Variants in DAPK2 observed in about 807,000 individuals in gnomAD.
DAPK2 encodes the protein death associated protein kinase 2.
Under a neutral mutation model 44.1 loss-of-function variants are expected in DAPK2, and 35 were observed. The ratio of observed to expected loss-of-function variants is 0.79; its 90% CI spans 0.61 to 1.05. The LOEUF is 1.05. Ranked by LOEUF, DAPK2 falls within the 50% of genes least tolerant of loss-of-function variation. The pLI is 0.00. For missense variants in DAPK2, 453 were observed against 483.2 expected (o/e 0.94, Z 0.59); for synonymous variants, 174 against 182.6 (o/e 0.95, Z 0.38).
intron 3 of DAPK2, among the ~76,000 whole-genome samples, chr15:63,962,285 G>A (rs749954634): frequency 1.4e-4 from 21 of 152,252 alleles, no homozygotes; most frequent in Non-Finnish European, 2.6e-4. Context: ...CGATGGGTTC[G>A]AACATCCTCC....
chr15:63,930,712 G>A (rs1307497688), intron 4 of DAPK2, among the ~76,000 whole-genome samples: 1 of 152,138 alleles, frequency 6.6e-6, no homozygotes, highest in African/African-American at 2.4e-5. Flanking sequence ...GTCTTTAGGA[G>A]GTGATTAGGT....
At chr15:63,978,670 G>A (rs1476838106) in intron 2 of DAPK2, among the ~76,000 whole-genome samples, 2 of 152,256 alleles carry the variant, frequency 1.3e-5, no homozygotes, top group South Asian at 2.1e-4. Flanking sequence ...CCAAACCAAG[G>A]AGCCTGAGTG....
rs187215788 is a variant in DAPK2 at position 63,952,145 on chromosome 15, G to T, written c.454-12784C>A. On this transcript the variant is annotated intron_variant, in intron 3 of 10. Transcript: ENST00000261891. ...ATCCCAACTACTCAGGAGGCGGAGG[G>T]AGGAGAATCGTTTGAACCTGGGAGG... 4.8e-3 allele frequency among the ~76,000 whole-genome samples: 729 copies of T among 152,220 alleles called. 5 individuals are homozygous for T. Among genetic ancestry groups the T allele is most frequent in the African/African-American group, 0.016 (674 of 41,542 alleles).
At chr15:63,996,893 C>T (rs1247760402) in intron 1 of DAPK2, among the ~76,000 whole-genome samples, 3 of 152,196 alleles carry the variant, frequency 2.0e-5, no homozygotes, top group Admixed American at 6.5e-5. Context: ...CCTCTGCCCC[C>T]ACGCTTGCAG....
In DAPK2 at chr15:63,924,875, T is replaced by C; in HGVS notation, c.813-14A>G. Reference sequence around the variant, plus strand: ...GTGAGCCGTTTCCTGCAATGAGGATTGGGAAACAGTGATGATCCATGAGGA... The same window carrying C: ...GTGAGCCGTTTCCTGCAATGAGGATCGGGAAACAGTGATGATCCATGAGGA... On this transcript the variant is annotated splice_polypyrimidine_tract_variant and intron_variant, in intron 7 of 10. Transcript: ENST00000261891. The C allele has an allele frequency of 6.2e-7, 1 of 1,613,962 alleles. No homozygotes were observed. Among genetic ancestry groups the C allele is most frequent in the Non-Finnish European group, 8.5e-7 (1 of 1,179,868 alleles).
chr15:63,922,300 T>C, intron 8 of DAPK2: 1 of 994,244 alleles, frequency 1.0e-6, no homozygotes, highest in Non-Finnish European at 1.2e-6. Flanking sequence ...CCTGCTTCTG[T>C]AGCAGGAAAG....
intron 1 of DAPK2, among the ~76,000 whole-genome samples, chr15:64,036,309 G>GTATATATATTTATATA (rs1175432400): frequency 1.7e-5 from 1 of 60,518 alleles, no homozygotes. Flanking sequence ...GTGTGTGTGT[G>GTATATATATTTATATA]TATATATATG....
intron 4 of DAPK2, among the ~76,000 whole-genome samples, chr15:63,938,546 T>C (rs1158577810): frequency 6.6e-6 from 1 of 152,196 alleles, no homozygotes; most frequent in East Asian, 1.9e-4. Flanking sequence ...ATGCCCTCCC[T>C]ATCTCCAAGA....
rs746526085 is a variant in DAPK2, at chr15:63,912,029, T to A, written c.949-38A>T. The A allele has an allele frequency of 6.2e-7, 1 of 1,607,212 alleles. No individual in the cohort carries two copies. The highest frequency in any genetic ancestry group is 8.5e-7 in the Non-Finnish European group (1 of 1,176,768). On this transcript the variant is annotated intron_variant, in intron 9 of 10. Transcript: ENST00000261891. This position sits in a 1 kb window ranked among gnomAD's most constrained non-coding sequence, Gnocchi z 4.4. ...GAGGAAAGGAATCCCCAGGTGAGAA[T>A]GTGCATGGAGACCCTGGAGAGCCAG...
intron 3 of DAPK2, among the ~76,000 whole-genome samples, chr15:63,964,718 T>G (rs1567236595): frequency 6.6e-6 from 1 of 152,154 alleles, no homozygotes. Flanking sequence ...TGATCAATTC[T>G]GCTGCTAACA....
intron 8 of DAPK2, among the ~76,000 whole-genome samples, chr15:63,914,967 T>A (rs2078890014): frequency 6.6e-6 from 1 of 152,184 alleles, no homozygotes; most frequent in Non-Finnish European, 1.5e-5. Context: ...CTCAGTATCC[T>A]TGAAGGGTTG....
rs892978946 is a variant in DAPK2, at chr15:63,980,102, G to C, written c.314+3431C>G. Among the ~76,000 whole-genome samples, 2 of 152,104 alleles carry C rather than the reference G, an allele frequency of 1.3e-5. No individual in the cohort carries two copies. The highest frequency in any genetic ancestry group is 2.9e-5 in the Non-Finnish European group (2 of 68,030). The stretch of plus-strand genomic sequence containing the variant: ...ACAATGAGACAGCTTGGAAGTGAAG[G>C]GGGAGACAGAAACGGGACAGAACTT... On this transcript the variant is annotated intron_variant, in intron 2 of 10. Transcript: ENST00000261891. The surrounding 1 kb of genome is among the most constrained non-coding windows in gnomAD (Gnocchi z 4.3).
chr15:63,998,582 G>A (rs1399753605), intron 1 of DAPK2, among the ~76,000 whole-genome samples: 2 of 152,184 alleles, frequency 1.3e-5, no homozygotes, highest in African/African-American at 4.8e-5. Context: ...CTGGCTCCCT[G>A]GGTCTCTGCA....
Position 63,926,155 on chromosome 15 carries a change from G to C in DAPK2, c.660-62C>G, listed in dbSNP as rs375289930. ...AAAGTAGGTGGAAATGGGGATTACG[G>C]ACTCGGGGAACCCTGCCCCATGACT... On this transcript the variant is annotated intron_variant, in intron 6 of 10. Transcript: ENST00000261891. 3.9e-6 allele frequency: 6 copies of C among 1,544,912 alleles called. No homozygotes were observed. The African/African-American group carries it at 4.1e-5, about 11-fold the overall frequency.
intron 2 of DAPK2, among the ~76,000 whole-genome samples, chr15:63,974,457 A>C (rs897459889): frequency 6.6e-6 from 1 of 152,170 alleles, no homozygotes; most frequent in African/African-American, 2.4e-5. Flanking sequence ...GAAGGTGAGG[A>C]TAGGGGGTTG....
At chr15:64,017,612 C>G (rs935699096) in intron 1 of DAPK2, among the ~76,000 whole-genome samples, 6 of 152,234 alleles carry the variant, frequency 3.9e-5, no homozygotes, top group Admixed American at 1.3e-4. Context: ...ATGATGCTGC[C>G]TCTTCCTAGC....
chr15:63,930,741 A>G (rs1036249269), intron 4 of DAPK2, among the ~76,000 whole-genome samples: 30 of 152,170 alleles, frequency 2.0e-4, no homozygotes, highest in African/African-American at 7.0e-4. Flanking sequence ...TGGAAACCTC[A>G]CAAGTGGGAC....
chr15:64,001,212 C>CAA (rs373745530), intron 1 of DAPK2, among the ~76,000 whole-genome samples: 11,064 of 139,532 alleles, frequency 0.079, 633 homozygotes, highest in South Asian at 0.3. Flanking sequence ...CACTACCTGC[C>CAA]AAAAAAAAAA....
At chr15:63,989,478 C>T (rs539138079) in intron 1 of DAPK2, among the ~76,000 whole-genome samples, 5 of 152,330 alleles carry the variant, frequency 3.3e-5, no homozygotes, top group African/African-American at 1.2e-4. Flanking sequence ...ACGTCACTGA[C>T]TCCGGCTACA....
Sources: allele counts gnomAD v4.1 joint callset (sites outside exome capture counted in the v4.1 genomes callset), GRCh38; gene constraint gnomAD v4.1.1; non-coding constraint Gnocchi (gnomAD v3.1); transcripts MANE v1.5; gene names NCBI Gene and HGNC (gene_info 2026-07-23, HGNC 2026-07-21).